The following PRKCH variants were observed in gnomAD, a reference collection of about 807,000 sequenced individuals.
PRKCH encodes the protein protein kinase C eta.
Under a neutral mutation model 82.5 loss-of-function variants are expected in PRKCH, and 28 were observed. The observed-to-expected ratio is 0.34, with a 90% confidence interval of 0.25 to 0.47. The LOEUF (loss-of-function observed/expected upper bound fraction) is 0.47. Ranked by LOEUF, PRKCH falls within the 20% of genes least tolerant of loss-of-function variation. PRKCH has a pLI of 1.00. For missense variants in PRKCH, 705 were observed against 881.8 expected (o/e 0.80, Z 2.54); for synonymous variants, 322 against 327.4 (o/e 0.98, Z 0.18).
At chr14:61,378,602 A>T (rs1287134892) in intron 1 of PRKCH, among the ~76,000 whole-genome samples, 1 of 152,184 alleles carries the variant, frequency 6.6e-6, no homozygotes, top group African/African-American at 2.4e-5. Flanking sequence ...GAATTTTCAG[A>T]AGCTGTTAAG....
chr14:61,302,544 C>T (rs537207484), intron 1 of PRKCH, among the ~76,000 whole-genome samples: 1 of 152,216 alleles, frequency 6.6e-6, no homozygotes, highest in East Asian at 1.9e-4. Flanking sequence ...TTTGCATAGA[C>T]CTGCTGTCTA....
rs147690071 is a variant in PRKCH at position 61,357,262 on chromosome 14, GTTC to G, written c.364-33957_364-33955del. On this transcript the variant is annotated intron_variant, in intron 1 of 13. Coordinates refer to ENST00000332981, the MANE Select transcript of PRKCH (RefSeq NM_006255.5). ...TTAACGATTACTCCATGCAGTTACTGTTCTTCTTAAGGCCTCTCCACCCGCCTC... is the reference window on the plus strand; with the variant it reads ...TTAACGATTACTCCATGCAGTTACTGTTCTTAAGGCCTCTCCACCCGCCTC... Among the ~76,000 whole-genome samples, 815 of 152,302 alleles carry G rather than the reference GTTC, an allele frequency of 5.4e-3. 7 individuals carry two copies. Among genetic ancestry groups the G allele is most frequent in the African/African-American group, 0.018 (760 of 41,568 alleles).
intron 1 of PRKCH, among the ~76,000 whole-genome samples, chr14:61,240,392 A>C (rs138644649): frequency 1.3e-5 from 2 of 151,754 alleles, no homozygotes; most frequent in East Asian, 1.9e-4. Flanking sequence ...CCCTCGAAAA[A>C]ACCCTCCCAC....
rs972404970 is a variant in PRKCH at position 61,519,224 on chromosome 14, G to A, written c.1434-9851G>A. Among the ~76,000 whole-genome samples the A allele has an allele frequency of 5.9e-5, 9 of 152,256 alleles. No individual in the cohort carries two copies. In the East Asian group the frequency reaches 1.6e-3, roughly 26 times the overall value. On this transcript the variant is annotated intron_variant, in intron 10 of 13. Transcript: ENST00000332981. ...TTGGGCCCAGACGGTCGTGGCTGCA[G>A]TGAGCTATGATCACGCTGCTGCACT...
At chr14:61,327,124 G>A (rs945147715) in intron 1 of PRKCH, 4 of 455,888 alleles carry the variant, frequency 8.8e-6, no homozygotes, top group South Asian at 3.1e-5. Context: ...CAGCCCTCCC[G>A]AAGACATTGT....
intron 1 of PRKCH, among the ~76,000 whole-genome samples, chr14:61,364,893 A>T (rs1594948970): frequency 6.6e-6 from 1 of 151,756 alleles, no homozygotes; most frequent in African/African-American, 2.4e-5. Flanking sequence ...GCTAGGAGGG[A>T]CCTAAGAGGA....
At chr14:61,348,874 A>G (rs925234993) in intron 1 of PRKCH, among the ~76,000 whole-genome samples, 24 of 152,282 alleles carry the variant, frequency 1.6e-4, no homozygotes, top group African/African-American at 5.8e-4. Flanking sequence ...CAAGATCTGC[A>G]GCCCACCAGC....
chr14:61,504,220 G>T (rs567945086), intron 10 of PRKCH, among the ~76,000 whole-genome samples: 2 of 151,516 alleles, frequency 1.3e-5, no homozygotes, highest in Non-Finnish European at 2.9e-5. Flanking sequence ...AGAGAGTCTC[G>T]CTCTGTTGCC....
chr14:61,481,344 G>A (rs1385895266), intron 9 of PRKCH, among the ~76,000 whole-genome samples: 1 of 152,200 alleles, frequency 6.6e-6, no homozygotes, highest in African/African-American at 2.4e-5. Context: ...AGAGCCAGCC[G>A]ATTTTCACTG....
intron 1 of PRKCH, among the ~76,000 whole-genome samples, chr14:61,288,061 T>G (rs912608143): frequency 1.2e-4 from 18 of 152,142 alleles, no homozygotes; most frequent in Non-Finnish European, 1.5e-5. Context: ...TATATATTGC[T>G]ACATCAGAGC....
At chr14:61,332,713 A>T (rs1594921025) in intron 1 of PRKCH, among the ~76,000 whole-genome samples, 1 of 152,294 alleles carries the variant, frequency 6.6e-6, no homozygotes, top group African/African-American at 2.4e-5. Context: ...CCAATTTCAG[A>T]CCTAGCCTCT....
intron 1 of PRKCH, among the ~76,000 whole-genome samples, chr14:61,191,604 C>T (rs1308172816): frequency 6.6e-6 from 1 of 151,430 alleles, no homozygotes; most frequent in Non-Finnish European, 1.5e-5. Flanking sequence ...AGCTGGGAGG[C>T]GGAGGTTGCG....
chr14:61,219,643 T>A (rs188618259), intron 1 of PRKCH, among the ~76,000 whole-genome samples: 6 of 152,362 alleles, frequency 3.9e-5, no homozygotes, highest in Non-Finnish European at 8.8e-5. Flanking sequence ...TAGGGTTTTG[T>A]TAACCTACTA....
intron 2 of PRKCH, among the ~76,000 whole-genome samples, chr14:61,424,245 G>T (rs900140046): frequency 6.6e-6 from 1 of 152,202 alleles, no homozygotes; most frequent in Non-Finnish European, 1.5e-5. Flanking sequence ...CTGATAGAGT[G>T]GGGTACTGCT....
intron 1 of PRKCH, among the ~76,000 whole-genome samples, chr14:61,297,438 G>A (rs1286099625): frequency 6.6e-6 from 1 of 152,154 alleles, no homozygotes; most frequent in Non-Finnish European, 1.5e-5. Flanking sequence ...CTCCACTTCA[G>A]AGCATTATGC....
At chr14:61,429,960 C>G (rs1431841305) in intron 2 of PRKCH, among the ~76,000 whole-genome samples, 1 of 152,120 alleles carries the variant, frequency 6.6e-6, no homozygotes, top group African/African-American at 2.4e-5. Flanking sequence ...AACATGATCC[C>G]TAACCTTTCT....
intron 10 of PRKCH, among the ~76,000 whole-genome samples, chr14:61,490,328 A>G (rs10143713): frequency 0.17 from 26,448 of 152,186 alleles, 2,438 homozygotes; most frequent in African/African-American, 0.23. Context: ...ATTGAGAGAA[A>G]AATGTCTACT....
chr14:61,437,076 T>C (rs1423720662), intron 2 of PRKCH, among the ~76,000 whole-genome samples: 2 of 152,246 alleles, frequency 1.3e-5, no homozygotes, highest in Non-Finnish European at 2.9e-5. Context: ...TAAATACCCA[T>C]TTAAATGTTT....
At chr14:61,290,683 A>G (rs2045353372) in intron 1 of PRKCH, among the ~76,000 whole-genome samples, 1 of 152,242 alleles carries the variant, frequency 6.6e-6, no homozygotes, top group Non-Finnish European at 1.5e-5. Flanking sequence ...GACCTAAAAG[A>G]AATGGGTGCA....
Sources: gnomAD v4.1 joint callset for allele counts (sites outside exome capture counted in the v4.1 genomes callset) on GRCh38, gnomAD v4.1.1 for gene constraint, MANE v1.5 for transcripts, NCBI Gene and HGNC (gene_info 2026-07-23, HGNC 2026-07-21) for gene names.